The following WDPCP variants were observed in gnomAD, a reference collection of about 807,000 sequenced individuals.
The protein encoded by WDPCP is WD repeat-containing and planar cell polarity effector protein fritz homolog.
WDPCP carries 71 observed loss-of-function variants against 93.1 expected under a neutral mutation model. That is an observed-to-expected ratio of 0.76 (90% CI 0.63 to 0.93). The LOEUF is 0.93. Ranked by LOEUF, WDPCP falls within the 40% of genes least tolerant of loss-of-function variation. The pLI, the probability that WDPCP is intolerant of heterozygous loss-of-function variation, is 0.00. For missense variants in WDPCP, 844 were observed against 887.4 expected (o/e 0.95, Z 0.62); for synonymous variants, 315 against 315.0 (o/e 1.00, Z 0.00).
At chr2:63,467,726 A>C (rs1390378573) in intron 6 of WDPCP, among the ~76,000 whole-genome samples, 1 of 148,520 alleles carries the variant, frequency 6.7e-6, no homozygotes, top group Admixed American at 6.9e-5. Context: ...CAGTGAGCGA[A>C]GATTGTGCCA....
intron 2 of WDPCP, among the ~76,000 whole-genome samples, chr2:63,753,062 A>C (rs1484058851): frequency 1.3e-5 from 2 of 152,134 alleles, no homozygotes; most frequent in African/African-American, 2.4e-5. Flanking sequence ...TTTTGGACTG[A>C]ATATATATTC....
rs375436985 is a variant in WDPCP at position 63,334,589 on chromosome 2, T to C, written c.1749-21278A>G. On this transcript the variant is annotated intron_variant, in intron 12 of 17. Coordinates refer to ENST00000272321, the MANE Select transcript of WDPCP (RefSeq NM_015910.7). ...TCAGATATGCATTTATCTTAGTGAGTAGAGTGAGTAGTAGGAGGCTGGTTT... is the reference window on the plus strand; with the variant it reads ...TCAGATATGCATTTATCTTAGTGAGCAGAGTGAGTAGTAGGAGGCTGGTTT... 2.4e-4 allele frequency among the ~76,000 whole-genome samples: 37 copies of C among 152,172 alleles called. No individual in the cohort carries two copies. In the East Asian group the frequency reaches 4.7e-3, roughly 19 times the overall value.
At chr2:63,771,275 G>A (rs1257386097) in intron 2 of WDPCP, among the ~76,000 whole-genome samples, 1 of 151,632 alleles carries the variant, frequency 6.6e-6, no homozygotes, top group Non-Finnish European at 1.5e-5. Flanking sequence ...ACATCTTTAT[G>A]TTAATTGATT....
At chr2:63,763,579 A>T (rs1008097249) in intron 2 of WDPCP, among the ~76,000 whole-genome samples, 2 of 152,170 alleles carry the variant, frequency 1.3e-5, no homozygotes, top group African/African-American at 4.8e-5. Context: ...CATGAAATGC[A>T]TCCAAAATAC....
chr2:63,687,332 T>G (rs4671527), intron 2 of WDPCP, among the ~76,000 whole-genome samples: 64,786 of 152,048 alleles, frequency 0.43, 14,970 homozygotes, highest in African/African-American at 0.6. Flanking sequence ...GGACAAATGG[T>G]ATCACATGAA....
chr2:63,330,641 T>G (rs547134775), intron 12 of WDPCP, among the ~76,000 whole-genome samples: 1 of 152,262 alleles, frequency 6.6e-6, no homozygotes, highest in South Asian at 2.1e-4. Flanking sequence ...ATATCAAATC[T>G]AAAAACTCAT....
chr2:63,452,981 A>T (rs2105666494), intron 6 of WDPCP, among the ~76,000 whole-genome samples: 1 of 152,378 alleles, frequency 6.6e-6, no homozygotes, highest in South Asian at 2.1e-4. Context: ...ACCTAAAACC[A>T]TAAAAACCCT....
chr2:63,230,855 T>A (rs1323002584), intron 14 of WDPCP, among the ~76,000 whole-genome samples: 1 of 152,176 alleles, frequency 6.6e-6, no homozygotes, highest in South Asian at 2.1e-4. Flanking sequence ...ATGGGTAGAT[T>A]GCAAAAATTT....
At chr2:63,193,357 C>T (rs1482841782) in intron 14 of WDPCP, among the ~76,000 whole-genome samples, 2 of 152,154 alleles carry the variant, frequency 1.3e-5, no homozygotes, top group Non-Finnish European at 2.9e-5. Flanking sequence ...ACTAGAATTA[C>T]AGCCAAGTTT....
At chr2:63,316,746 G>A (rs1311365789) in intron 12 of WDPCP, among the ~76,000 whole-genome samples, 3 of 152,076 alleles carry the variant, frequency 2.0e-5, no homozygotes, top group African/African-American at 7.2e-5. Context: ...TAGGAAGAGA[G>A]GAAGTCAAAC....
chr2:63,180,445 TTC>T (rs1178598990), intron 14 of WDPCP, among the ~76,000 whole-genome samples: 2 of 152,194 alleles, frequency 1.3e-5, no homozygotes, highest in African/African-American at 2.4e-5. Flanking sequence ...GTGTTTGACT[TTC>T]TGTTTCTGAG....
intron 2 of WDPCP, among the ~76,000 whole-genome samples, chr2:63,756,572 T>C (rs1284176984): frequency 3.3e-5 from 5 of 152,174 alleles, no homozygotes; most frequent in Non-Finnish European, 7.4e-5. Flanking sequence ...AGATATCAAG[T>C]TGGGAATCTT....
intron 10 of WDPCP, among the ~76,000 whole-genome samples, chr2:63,390,050 T>C (rs1333195689): frequency 6.6e-6 from 1 of 152,200 alleles, no homozygotes; most frequent in Admixed American, 6.6e-5. Context: ...GCAGACCTAA[T>C]AGACATCTAC....
chr2:63,446,250 C>T (rs957561681), intron 6 of WDPCP, among the ~76,000 whole-genome samples: 22 of 152,130 alleles, frequency 1.4e-4, no homozygotes, highest in African/African-American at 4.8e-4. Flanking sequence ...AGGAAGTAAG[C>T]GGTGAGTGGG....
intron 2 of WDPCP, among the ~76,000 whole-genome samples, chr2:63,767,065 G>T (rs951962404): frequency 1.3e-5 from 2 of 151,794 alleles, no homozygotes; most frequent in Non-Finnish European, 2.9e-5. Flanking sequence ...ATTAGTTTTT[G>T]TTCCTTAGAA....
intron 6 of WDPCP, among the ~76,000 whole-genome samples, chr2:63,484,008 C>T (rs1264726999): frequency 6.6e-6 from 1 of 151,904 alleles, no homozygotes; most frequent in Non-Finnish European, 1.5e-5. Flanking sequence ...CTGCACTGTC[C>T]AATATGATAA....
rs1249011773 is a variant in WDPCP at position 63,579,785 on chromosome 2, ACAG to A, written c.75+8409_75+8411del. Among the ~76,000 whole-genome samples, 471 of 152,238 alleles carry A rather than the reference ACAG, an allele frequency of 3.1e-3. 4 individuals carry two copies. The highest frequency in any genetic ancestry group is 0.011 in the African/African-American group (437 of 41,548). ...GATACACAGATAGACAGACAGACAG[ACAG>A]ACAAGATAGATAATGCTAGTTTGGA... On this transcript the variant is annotated intron_variant, in intron 1 of 17. Coordinates refer to ENST00000272321, the MANE Select transcript of WDPCP (RefSeq NM_015910.7).
intron 6 of WDPCP, among the ~76,000 whole-genome samples, chr2:63,446,964 C>T (rs1294697804): frequency 1.2e-4 from 18 of 152,112 alleles, no homozygotes; most frequent in Non-Finnish European, 1.8e-4. Flanking sequence ...TAATAAATTG[C>T]CATTCCAGTT....
intron 1 of WDPCP, among the ~76,000 whole-genome samples, chr2:63,516,050 T>C (rs1000028927): frequency 2.0e-5 from 3 of 151,768 alleles, no homozygotes; most frequent in East Asian, 1.9e-4. Flanking sequence ...CTAATCACCA[T>C]ATAAGGTAGT....
Sources: allele counts gnomAD v4.1 joint callset (sites outside exome capture counted in the v4.1 genomes callset), GRCh38; gene constraint gnomAD v4.1.1; transcripts MANE v1.5; gene names NCBI Gene and HGNC (gene_info 2026-07-23, HGNC 2026-07-21).